ECE1: variants seen among roughly 807,000 people sequenced by gnomAD.
ECE1 encodes the protein endothelin-converting enzyme 1.
A neutral mutation model predicts 98.6 loss-of-function variants in ECE1; 35 were observed. That is an observed-to-expected ratio of 0.35 (90% CI 0.27 to 0.47). The LOEUF is 0.47. ECE1 is among the 20% of genes least tolerant of loss of function. ECE1 has a pLI of 1.00. For missense variants in ECE1, 814 were observed against 1,025.3 expected (o/e 0.79, Z 2.81); for synonymous variants, 394 against 407.1 (o/e 0.97, Z 0.39).
chr1:21,226,465 C>T (rs922934891), intron 16 of ECE1, among the ~76,000 whole-genome samples: 10 of 152,156 alleles, frequency 6.6e-5, no homozygotes, highest in Non-Finnish European at 1.3e-4. Flanking sequence ...GAACCCAGAT[C>T]CTTCTGCCTC....
intron 1 of ECE1, among the ~76,000 whole-genome samples, chr1:21,324,764 G>A (rs923268173): frequency 2.0e-5 from 3 of 152,210 alleles, no homozygotes; most frequent in Admixed American, 6.5e-5. Flanking sequence ...TGGAGGCGGA[G>A]GTGGCAGAGA....
In ECE1 at chr1:21,290,002, C is replaced by T; in HGVS notation, c.138+68G>A. On this transcript the variant is annotated intron_variant, in intron 2 of 18. Coordinates refer to ENST00000374893, the MANE Select transcript of ECE1 (RefSeq NM_001397.3). This position sits in a 1 kb window ranked among gnomAD's most constrained non-coding sequence, Gnocchi z 7.3. The stretch of plus-strand genomic sequence containing the variant: ...GCGGGGTAGGTAGGGGCGGGGGGCG[C>T]GGCAGCGGCAGCGCGCATGCCCGGG... 1 of 1,048,326 alleles carries T rather than the reference C, an allele frequency of 9.5e-7. No individual in the cohort carries two copies. The allele number at this position is 1,048,326 out of a possible 1,614,324, so 64.9% of individuals were successfully genotyped here.
chr1:21,345,487 G>A lies in ECE1; in HGVS notation c.-109C>T. On this transcript the variant is annotated 5_prime_UTR_variant, in exon 1 of 19. Transcript: ENST00000415912. This position sits in a 1 kb window ranked among gnomAD's most constrained non-coding sequence, Gnocchi z 5.1. ...AGCTGCTCGGACGGCTCGGCTGCCT[G>A]GCCCAGGCGGCGCGCTCAGCTCCAG... 5 of 1,054,820 alleles carry A rather than the reference G, an allele frequency of 4.7e-6. No individual in the cohort carries two copies. The highest frequency in any genetic ancestry group is 4.8e-6 in the Non-Finnish European group (4 of 834,952). The allele number at this position is 1,054,820 out of a possible 1,614,324, so 65.3% of individuals were successfully genotyped here.
Position 21,337,345 on chromosome 1 carries a change from G to T in ECE1, c.3+8031C>A, listed in dbSNP as rs1046058784. ...AAACCAGGCACAAAAGAGCACACAT[G>T]AATGAATCCACACAGAGAAAGCTCA... On this transcript the variant is annotated intron_variant, in intron 1 of 18. Coordinates refer to the ECE1 transcript ENST00000415912. Among the ~76,000 whole-genome samples, 7 of 152,278 alleles carry T rather than the reference G, an allele frequency of 4.6e-5. No homozygotes were observed. In the East Asian group the frequency reaches 1.2e-3, roughly 25 times the overall value.
At chr1:21,237,349 G>A (rs940769205) in intron 11 of ECE1, among the ~76,000 whole-genome samples, 6 of 152,082 alleles carry the variant, frequency 3.9e-5, no homozygotes, top group African/African-American at 1.2e-4. Context: ...AGACAAGCTC[G>A]AAGATGGAAA....
chr1:21,339,490 T>C (rs1639361933), intron 1 of ECE1, among the ~76,000 whole-genome samples: 1 of 152,172 alleles, frequency 6.6e-6, no homozygotes, highest in African/African-American at 2.4e-5. Flanking sequence ...AAGTGACCTT[T>C]GAGCCTCAGC....
chr1:21,283,265 AT>A (rs964242239), intron 2 of ECE1, among the ~76,000 whole-genome samples: 12 of 126,296 alleles, frequency 9.5e-5, no homozygotes, highest in African/African-American at 2.6e-4. Flanking sequence ...CTTTTTTTGA[AT>A]TTTTTTTAAA....
At chr1:21,262,130 A>G (rs921705774) in intron 4 of ECE1, among the ~76,000 whole-genome samples, 1 of 152,148 alleles carries the variant, frequency 6.6e-6, no homozygotes, top group Non-Finnish European at 1.5e-5. Context: ...TGGCCCTGAA[A>G]GGGGGACGGG....
In ECE1 at chr1:21,232,507, C is replaced by T. The variant is rs1182764220; in HGVS notation, c.1670+1051G>A. ...TAGAGACCACATCTCCCTATGTCGC[C>T]CAACCTGGTCTTGAAGTCTTAGGCT... On this transcript the variant is annotated intron_variant, in intron 14 of 18. Coordinates refer to ENST00000374893, the MANE Select transcript of ECE1 (RefSeq NM_001397.3). Among the ~76,000 whole-genome samples the T allele has an allele frequency of 5.9e-5, 9 of 151,928 alleles. No homozygotes were observed. The East Asian group carries it at 1.7e-3, about 29-fold the overall frequency.
At chr1:21,334,321 G>A (rs879299279) in intron 1 of ECE1, among the ~76,000 whole-genome samples, 28 of 152,154 alleles carry the variant, frequency 1.8e-4, no homozygotes, top group Non-Finnish European at 1.0e-4. Context: ...CCACCACACC[G>A]GAAGCCCAAC....
At chr1:21,294,144 G>A (rs1265485699), upstream of ECE1, 1 of 152,562 alleles carries the variant, frequency 6.6e-6, no homozygotes, top group Non-Finnish European at 1.5e-5. The surrounding 1 kb of genome is among the most constrained non-coding windows in gnomAD (Gnocchi z 4.2). Flanking sequence ...GGTAGAGCTG[G>A]GCCTCGAACC....
intron 17 of ECE1, among the ~76,000 whole-genome samples, chr1:21,223,655 G>A (rs1251972130): frequency 6.6e-6 from 1 of 152,016 alleles, no homozygotes; most frequent in Non-Finnish European, 1.5e-5. Context: ...TAGTAGAGAC[G>A]GGGTTTCACT....
rs147475950 is a variant in ECE1, at chr1:21,300,245, C to T, written c.4-10089G>A. Among the ~76,000 whole-genome samples the T allele has an allele frequency of 4.3e-4, 66 of 152,324 alleles. No individual in the cohort carries two copies. In the East Asian group the frequency reaches 6.6e-3, roughly 15 times the overall value. ...GCTGGACAACAGTATCCCCAGGAGG[C>T]GGCTGAGAAGCAGGGAGAAGAACAC... On this transcript the variant is annotated intron_variant, in intron 1 of 18. Coordinates refer to the ECE1 transcript ENST00000415912.
intron 1 of ECE1, among the ~76,000 whole-genome samples, chr1:21,342,989 G>A (rs3026808): frequency 0.41 from 62,221 of 151,976 alleles, 13,178 homozygotes; most frequent in Non-Finnish European, 0.46. Flanking sequence ...TTCATAGCCA[G>A]GTGCCAGACC....
At chr1:21,301,233 A>T (rs183021225) in intron 1 of ECE1, among the ~76,000 whole-genome samples, 2 of 152,268 alleles carry the variant, frequency 1.3e-5, no homozygotes, top group East Asian at 3.9e-4. Flanking sequence ...GGTGGCTCAC[A>T]CCTGCAATCC....
At chr1:21,305,332 C>T (rs1217550218) in intron 1 of ECE1, among the ~76,000 whole-genome samples, 1 of 152,160 alleles carries the variant, frequency 6.6e-6, no homozygotes, top group Non-Finnish European at 1.5e-5. Flanking sequence ...CAGTGCTTGA[C>T]AGAGAGCAGG....
chr1:21,251,061 T>A (rs2098212190), intron 8 of ECE1, among the ~76,000 whole-genome samples: 1 of 151,220 alleles, frequency 6.6e-6, no homozygotes, highest in African/African-American at 2.4e-5. Context: ...TTTCCTGAGG[T>A]CACATAGTTA....
chr1:21,227,137 C>T (rs760309762), intron 16 of ECE1, 22 bp downstream of exon 16: 8 of 1,612,948 alleles, frequency 5.0e-6, no homozygotes, highest in Middle Eastern at 1.7e-4. Context: ...CATGAGCCAT[C>T]GTGCCCAGCT....
chr1:21,325,135 T>C (rs1639051111), intron 1 of ECE1, among the ~76,000 whole-genome samples: 1 of 152,198 alleles, frequency 6.6e-6, no homozygotes, highest in African/African-American at 2.4e-5. Flanking sequence ...TGGATTCAAT[T>C]TCTTCATTAG....
Sources: allele counts gnomAD v4.1 joint callset (sites outside exome capture counted in the v4.1 genomes callset), GRCh38; gene constraint gnomAD v4.1.1; non-coding constraint Gnocchi (gnomAD v3.1); transcripts MANE v1.5; gene names NCBI Gene and HGNC (gene_info 2026-07-23, HGNC 2026-07-21).